EGFL7: variants seen among roughly 807,000 people sequenced by gnomAD.
EGFL7 encodes epidermal growth factor-like protein 7.
EGFL7 carries 48 observed loss-of-function variants against 37.1 expected under a neutral mutation model. The ratio of observed to expected loss-of-function variants is 1.29; its 90% CI spans 1.03 to 1.65. EGFL7 has a LOEUF of 1.65. Ranked by LOEUF, EGFL7 falls within the 40% of genes most tolerant of loss-of-function variation. EGFL7 has a pLI of 0.00. For synonymous variants in EGFL7, 180 were observed against 156.8 expected, an observed-to-expected ratio of 1.15 and a Z score of -1.10; for missense variants, 384 against 378.9, an observed-to-expected ratio of 1.01 and a Z score of -0.11.
At chr9:136,670,716 C>A in intron 8 of EGFL7, 1 of 765,544 alleles carries the variant, frequency 1.3e-6, no homozygotes, top group Non-Finnish European at 2.4e-6. Flanking sequence ...GAGACCTCAG[C>A]CTTGACCTCC....
At chr9:136,669,268 C>A (rs192945544) in intron 5 of EGFL7, among the ~76,000 whole-genome samples, 2 of 152,232 alleles carry the variant, frequency 1.3e-5, no homozygotes, top group African/African-American at 4.8e-5. Flanking sequence ...CACACTCTGC[C>A]GTGACTCGCC....
chr9:136,667,334 A>G (rs1462692350), intron 3 of EGFL7, among the ~76,000 whole-genome samples: 2 of 152,218 alleles, frequency 1.3e-5, no homozygotes, highest in Non-Finnish European at 2.9e-5. Context: ...GCCTTTGGGA[A>G]GCACCCGTGA....
rs1845967447 is a variant in EGFL7 at position 136,672,245 on chromosome 9, T to TC, written c.800-18dup. 2 of 1,613,334 alleles carry TC rather than the reference T, an allele frequency of 1.2e-6. No individual in the cohort carries two copies. The highest frequency in any genetic ancestry group is 2.7e-5 in the African/African-American group (2 of 75,020). The stretch of plus-strand genomic sequence containing the variant: ...TGTGGGGAGCAGTGATCTCTGACCT[T>TC]CGCCTCATCCAACCCTAGGCTCCTG... On this transcript the variant is annotated intron_variant, in intron 10 of 10. Coordinates refer to ENST00000308874, the MANE Select transcript of EGFL7 (RefSeq NM_016215.5).
Position 136,669,965 on chromosome 9 carries a change from G to T in EGFL7, c.365G>T (p.Arg122Leu). Residue 122 changes from arginine to leucine, a missense_variant, in exon 7 of 11, where the codon CGC becomes CTC. Physicochemically the swap from Arg to Leu is moderately radical, Grantham distance 102. Transcript: ENST00000308874. ...RNGGSCVQPG[R>L]CRCPAGWRGD... Reference sequence around the variant, plus strand: ...GGAGGGAGCTGTGTCCAGCCTGGCCGCTGCCGCTGCCCTGCAGGATGGCGG... The same window carrying T: ...GGAGGGAGCTGTGTCCAGCCTGGCCTCTGCCGCTGCCCTGCAGGATGGCGG... 6.2e-7 allele frequency: 1 copy of T among 1,604,048 alleles called. No individual in the cohort carries two copies. Among genetic ancestry groups the T allele is most frequent in the Non-Finnish European group, 8.5e-7 (1 of 1,175,156 alleles).
At position 136,672,052 on chromosome 9, in the gene EGFL7, G is replaced by C. The variant is rs373954666; in HGVS notation, c.763G>C (p.Glu255Gln). 3.2e-6 allele frequency: 5 copies of C among 1,546,094 alleles called. No individual in the cohort carries two copies. Among genetic ancestry groups the C allele is most frequent in the Non-Finnish European group, 4.4e-6 (5 of 1,147,074 alleles). ...QQLGRIDSLSEQISFLEEQLG... is the reference protein window; with the variant it reads ...QQLGRIDSLSQQISFLEEQLG... ...GCTCGGCCGCATCGACTCCCTGAGC[G>C]AGCAGATTTCCTTCCTGGAGGAGCA... is the stretch of plus-strand genomic sequence containing the variant. Residue 255 changes from glutamate (E) to glutamine (Q), a missense_variant, in exon 10 of 11, where the codon GAG becomes CAG. Physicochemically the swap from Glu to Gln is conservative, Grantham distance 29 (BLOSUM62 2). Coordinates refer to ENST00000308874, the MANE Select transcript of EGFL7 (RefSeq NM_016215.5).
rs1165845363 is a variant in EGFL7, at chr9:136,666,548, G to C, written c.-42-1693G>C. On this transcript the variant is annotated intron_variant, in intron 3 of 10. Transcript: ENST00000308874. This position sits in a 1 kb window ranked among gnomAD's most constrained non-coding sequence, Gnocchi z 6.8. ...CGGAGAGCACCACGGGCTTCCTCTG[G>C]CCTCGGGAAAACATGACTTTCAAAA... is the stretch of plus-strand genomic sequence containing the variant. 1.3e-5 allele frequency among the ~76,000 whole-genome samples: 2 copies of C among 152,150 alleles called. No homozygotes were observed. Among genetic ancestry groups the C allele is most frequent in the Non-Finnish European group, 2.9e-5 (2 of 67,998 alleles).
intron 3 of EGFL7, among the ~76,000 whole-genome samples, 162 bp from the exon 4 acceptor site, chr9:136,668,079 A>T (rs1033525224): frequency 6.6e-6 from 1 of 152,148 alleles, no homozygotes; most frequent in Non-Finnish European, 1.5e-5. Flanking sequence ...TAGCTGGAAG[A>T]GGGGGCCAGC....
In EGFL7 at chr9:136,668,319, C is replaced by T; in HGVS notation, c.37C>T (p.Leu13=). 6.2e-7 allele frequency: 1 copy of T among 1,608,214 alleles called. No homozygotes were observed. Among genetic ancestry groups the T allele is most frequent in the Non-Finnish European group, 8.5e-7 (1 of 1,177,932 alleles). ...TCAGGAGGTGCTGCTGATGTGGCTT[C>T]TGGTGTTGGCAGTGGGCGGCACAGA... The part of the protein sequence containing the change: ...GSQEVLLMWL[L]VLAVGGTEHA... The change falls in exon 4 of 11, where the codon CTG becomes TTG. Residue 13 remains leucine (L), a synonymous_variant. Coordinates refer to ENST00000308874, the MANE Select transcript of EGFL7 (RefSeq NM_016215.5).
rs770381056 is a variant in EGFL7, at chr9:136,668,537, C to G, written c.81-20C>G. The G allele has an allele frequency of 1.2e-6, 2 of 1,603,508 alleles. No homozygotes were observed. Reference sequence around the variant, plus strand: ...TCCTGCTCTGGGACTCCTGGGCTGACCCCCTCTCCACCCCCGCAGCCGTAG... The same window carrying G: ...TCCTGCTCTGGGACTCCTGGGCTGAGCCCCTCTCCACCCCCGCAGCCGTAG... On this transcript the variant is annotated intron_variant, in intron 4 of 10. Coordinates refer to ENST00000308874, the MANE Select transcript of EGFL7 (RefSeq NM_016215.5).
At position 136,666,041 on chromosome 9, in the gene EGFL7, C is replaced by T. The variant is rs1845450331; in HGVS notation, c.-43+1256C>T. Among the ~76,000 whole-genome samples the T allele has an allele frequency of 6.8e-6, 1 of 146,052 alleles. No homozygotes were observed. Among genetic ancestry groups the T allele is most frequent in the African/African-American group, 2.5e-5 (1 of 40,744 alleles). On this transcript the variant is annotated intron_variant, in intron 3 of 10. Coordinates refer to ENST00000308874, the MANE Select transcript of EGFL7 (RefSeq NM_016215.5). This position sits in a 1 kb window ranked among gnomAD's most constrained non-coding sequence, Gnocchi z 6.8. ...GGCCGGGAGAATGGGCCCAGCGGCC[C>T]CGGGAACCGGCTCCCCCTGCCGGCG...
Position 136,668,356 on chromosome 9 carries a change from G to T in EGFL7, c.74G>T (p.Arg25Leu), listed in dbSNP as rs376703976. The change falls in exon 4 of 11, where the codon CGG becomes CTG. Residue 25 changes from arginine (R) to leucine (L), a missense_variant. Transcript: ENST00000308874. ...LAVGGTEHAY[R>L]PGRRVCAVRA... ...GTGGGCGGCACAGAGCACGCCTACCGGCCCGGGTGAGCCAAGCCCTAGCCT... is the reference window on the plus strand; with the variant it reads ...GTGGGCGGCACAGAGCACGCCTACCTGCCCGGGTGAGCCAAGCCCTAGCCT... The T allele has an allele frequency of 6.3e-7, 1 of 1,598,222 alleles. No individual in the cohort carries two copies. The highest frequency in any genetic ancestry group is 8.5e-7 in the Non-Finnish European group (1 of 1,172,134).
Position 136,665,382 on chromosome 9 carries a change from C to A in EGFL7, c.-43+597C>A, listed in dbSNP as rs370806059. On this transcript the variant is annotated intron_variant, in intron 3 of 10. Transcript: ENST00000308874. ...GGGCGCCTACCGCGCGGCCCCCCAG[C>A]GGCTGAGATGGGCGTCCCGGGGTGG... Among the ~76,000 whole-genome samples the A allele has an allele frequency of 4.8e-4, 73 of 152,354 alleles. No individual in the cohort carries two copies. The East Asian group carries it at 0.013, about 27-fold the overall frequency.
intron 9 of EGFL7, among the ~76,000 whole-genome samples, chr9:136,671,613 AC>A (rs1222599657): frequency 1.5e-5 from 2 of 130,716 alleles, no homozygotes; most frequent in East Asian, 2.4e-4. Flanking sequence ...AGACCTCCCC[AC>A]CCCCCCATCT....
In EGFL7 at chr9:136,672,564, A is replaced by G; in HGVS notation, c.*278A>G. 1 of 579,204 alleles carries G rather than the reference A, an allele frequency of 1.7e-6. No homozygotes were observed. The allele number at this position is 579,204 out of a possible 1,614,324, so 35.9% of individuals were successfully genotyped here. On this transcript the variant is annotated 3_prime_UTR_variant, in exon 11 of 11. Transcript: ENST00000308874. Reference sequence around the variant, plus strand: ...GGTGGGCCCTCAGCTGAGGGAAGGTACGAGCTCCCTGCTGGAGCCTGGGAC... The same window carrying G: ...GGTGGGCCCTCAGCTGAGGGAAGGTGCGAGCTCCCTGCTGGAGCCTGGGAC...
intron 8 of EGFL7, 186 bp from the exon 9 acceptor site, chr9:136,670,764 C>A: frequency 2.7e-6 from 2 of 727,684 alleles, no homozygotes; most frequent in Non-Finnish European, 2.5e-6. Flanking sequence ...TGCGCAGAGC[C>A]ACCCGCCCCG....
At chr9:136,659,949 C>T (rs1276896985), upstream of EGFL7, among the ~76,000 whole-genome samples, 1 of 152,160 alleles carries the variant, frequency 6.6e-6, no homozygotes, top group Non-Finnish European at 1.5e-5. Flanking sequence ...GGAGGCCAGG[C>T]GTGGGGCCCG....
In EGFL7 at chr9:136,666,329, C is replaced by A. The variant is rs948820448; in HGVS notation, c.-43+1544C>A. 6.6e-6 allele frequency among the ~76,000 whole-genome samples: 1 copy of A among 151,788 alleles called. No homozygotes were observed. The highest frequency in any genetic ancestry group is 2.4e-5 in the African/African-American group (1 of 41,396). On this transcript the variant is annotated intron_variant, in intron 3 of 10. Transcript: ENST00000308874. This position sits in a 1 kb window ranked among gnomAD's most constrained non-coding sequence, Gnocchi z 6.8. The stretch of plus-strand genomic sequence containing the variant: ...GTGCCTGCGGCGCAGCCAGGCCCCT[C>A]CCTCTGCGGACCCGGCCTCTCGCGG...
Position 136,672,218 on chromosome 9 carries a change from G to T in EGFL7, c.800-46G>T. On this transcript the variant is annotated intron_variant, in intron 10 of 10. Coordinates refer to ENST00000308874, the MANE Select transcript of EGFL7 (RefSeq NM_016215.5). ...CAGTCAGATCTAGCTGGGCGGGGAG[G>T]CTGTGGGGAGCAGTGATCTCTGACC... 3.1e-6 allele frequency: 5 copies of T among 1,613,088 alleles called. No homozygotes were observed. In the South Asian group the frequency reaches 5.5e-5, roughly 18 times the overall value.
chr9:136,671,836 G>C, intron 9 of EGFL7, 90 bp from the exon 10 acceptor site: 1 of 1,409,228 alleles, frequency 7.1e-7, no homozygotes, highest in Non-Finnish European at 9.3e-7. Context: ...CTGGAGGCTT[G>C]TGGAGCCCTT....
Sources: allele counts gnomAD v4.1 joint callset (sites outside exome capture counted in the v4.1 genomes callset), GRCh38; gene constraint gnomAD v4.1.1; non-coding constraint Gnocchi (gnomAD v3.1); transcripts MANE v1.5; gene names NCBI Gene and HGNC (gene_info 2026-07-23, HGNC 2026-07-21).